Variants in PCDHA7 observed in about 807,000 individuals in gnomAD.
The protein encoded by PCDHA7 is protocadherin alpha 7.
Under a neutral mutation model 57.2 loss-of-function variants are expected in PCDHA7, and 37 were observed. The ratio of observed to expected loss-of-function variants is 0.65; its 90% confidence interval spans 0.50 to 0.85. The LOEUF is 0.85. Among genes scored for constraint, PCDHA7 ranks in the 40% least tolerant of loss-of-function variants. PCDHA7 has a pLI of 0.00. For missense variants in PCDHA7, 1,188 were observed against 1,241.8 expected, an observed-to-expected ratio of 0.96 and a Z score of 0.65; for synonymous variants, 553 against 558.8, an observed-to-expected ratio of 0.99 and a Z score of 0.15.
rs2150265986 is a variant in PCDHA7 at position 140,836,621 on chromosome 5, G to A, written c.2238G>A (p.Gly746=). The A allele has an allele frequency of 1.9e-5, 31 of 1,613,494 alleles. No homozygotes were observed. The highest frequency in any genetic ancestry group is 2.5e-5 in the Non-Finnish European group (29 of 1,179,748). The change falls in exon 1 of 4, where the codon GGG becomes GGA. Residue 746 remains glycine, a synonymous_variant. Transcript: ENST00000525929. ...KPTLVCSSAV[G]SWSFSQQRRQ... Reference sequence around the variant, plus strand: ...CTCTGGTGTGCTCCAGCGCGGTGGGGAGCTGGTCATTCTCCCAGCAGAGGC... The same window carrying A: ...CTCTGGTGTGCTCCAGCGCGGTGGGAAGCTGGTCATTCTCCCAGCAGAGGC...
intron 1 of PCDHA7, chr5:140,850,491 C>T (rs2150486292): frequency 1.3e-6 from 2 of 1,597,970 alleles, no homozygotes; most frequent in South Asian, 1.1e-5. Flanking sequence ...GGCCACTGTG[C>T]TGGTGTCGCT....
At chr5:140,848,272 A>G (rs1781411932) in intron 1 of PCDHA7, 2 of 538,068 alleles carry the variant, frequency 3.7e-6, no homozygotes, top group Non-Finnish European at 6.6e-6. Context: ...TATTCATGAA[A>G]TATGTACTTA....
chr5:140,940,305 A>G (rs2092590184), intron 1 of PCDHA7, among the ~76,000 whole-genome samples: 1 of 152,126 alleles, frequency 6.6e-6, no homozygotes, highest in Non-Finnish European at 1.5e-5. Flanking sequence ...GTAATTTATT[A>G]TCTTTCTTCC....
rs2150498276 is a variant in PCDHA7, at chr5:140,850,785, A to C, written c.2355+14047A>C. The C allele has an allele frequency of 0.62, 994,993 of 1,596,634 alleles. 342,814 individuals carry two copies. Among genetic ancestry groups the C allele is most frequent in the African/African-American group, 0.72 (53,321 of 73,960 alleles). Reference sequence around the variant, plus strand: ...GCAGAGGGTGTGCTCTGGCGAGGGTAAGCAGAAGACCGACCTCATGGCCTT... The same window carrying C: ...GCAGAGGGTGTGCTCTGGCGAGGGTCAGCAGAAGACCGACCTCATGGCCTT... On this transcript the variant is annotated intron_variant, in intron 1 of 3. Coordinates refer to ENST00000525929, the MANE Select transcript of PCDHA7 (RefSeq NM_018910.3).
intron 1 of PCDHA7, chr5:140,858,461 C>G: frequency 1.3e-6 from 2 of 1,524,640 alleles, no homozygotes; most frequent in Non-Finnish European, 1.8e-6. Flanking sequence ...TTTCATTTTC[C>G]TTTTGTGCTT....
intron 1 of PCDHA7, among the ~76,000 whole-genome samples, chr5:140,912,600 T>C (rs2075993093): frequency 6.6e-6 from 1 of 152,156 alleles, no homozygotes; most frequent in African/African-American, 2.4e-5. Context: ...CTTTATTTCT[T>C]CCTCTTGTCT....
chr5:140,852,838 C>T lies in PCDHA7; in HGVS notation c.2355+16100C>T, dbSNP rs2042489635. 6 of 968,840 alleles carry T rather than the reference C, an allele frequency of 6.2e-6. 1 individual carries two copies. The Admixed American group carries it at 2.5e-4, about 41-fold the overall frequency. The allele number at this position is 968,840 out of a possible 1,614,324, so 60.0% of individuals were successfully genotyped here. A position where few individuals can be genotyped will look rare whatever the true frequency, so the allele number is the denominator to read the frequency against. Reference sequence around the variant, plus strand: ...CCTAAGTCCTCCAGTCTCCTTAGAGCTAGTACTTACTAAGCATTTACTATG... The same window carrying T: ...CCTAAGTCCTCCAGTCTCCTTAGAGTTAGTACTTACTAAGCATTTACTATG... On this transcript the variant is annotated intron_variant, in intron 1 of 3. Coordinates refer to ENST00000525929, the MANE Select transcript of PCDHA7 (RefSeq NM_018910.3).
chr5:140,890,945 G>A (rs2062873584), intron 1 of PCDHA7, among the ~76,000 whole-genome samples: 1 of 152,132 alleles, frequency 6.6e-6, no homozygotes, highest in Non-Finnish European at 1.5e-5. Flanking sequence ...AGATGCTGGT[G>A]AGGAATGATT....
chr5:140,849,581 C>T lies in PCDHA7; in HGVS notation c.2355+12843C>T. The T allele has an allele frequency of 3.1e-6, 5 of 1,598,698 alleles. 1 individual carries two copies. Among genetic ancestry groups the T allele is most frequent in the Non-Finnish European group, 4.3e-6 (5 of 1,167,986 alleles). On this transcript the variant is annotated intron_variant, in intron 1 of 3. Transcript: ENST00000525929. ...CGCTCTCGGTTCCTGTAAAAGAGGA[C>T]GCACAACTGGGGACAGTTATTGCCC...
At chr5:140,997,978 C>T (rs1205743045) in intron 3 of PCDHA7, among the ~76,000 whole-genome samples, 2 of 152,182 alleles carry the variant, frequency 1.3e-5, no homozygotes, top group African/African-American at 2.4e-5. Context: ...TTGGACTGCA[C>T]TTGTTACATA....
intron 1 of PCDHA7, among the ~76,000 whole-genome samples, chr5:140,941,343 G>C (rs2093045496): frequency 8.8e-6 from 1 of 114,104 alleles, no homozygotes. Context: ...TTCAGATGGA[G>C]TCTTGCTCTG....
At chr5:140,950,343 A>C (rs1169343189) in intron 1 of PCDHA7, among the ~76,000 whole-genome samples, 9 of 151,988 alleles carry the variant, frequency 5.9e-5, no homozygotes, top group African/African-American at 2.2e-4. Context: ...GATTTATCTT[A>C]GTTTTCCTTT....
chr5:140,843,412 C>A, intron 1 of PCDHA7: 3 of 1,596,066 alleles, frequency 1.9e-6, no homozygotes, highest in Non-Finnish European at 2.6e-6. Flanking sequence ...TGGATGTCAA[C>A]GTGTACCTGA....
intron 1 of PCDHA7, among the ~76,000 whole-genome samples, chr5:140,898,104 A>G (rs1220718510): frequency 2.0e-5 from 3 of 152,110 alleles, no homozygotes; most frequent in Middle Eastern, 3.4e-3. Flanking sequence ...TTGTCAGATG[A>G]GTAGGTTGCG....
intron 1 of PCDHA7, among the ~76,000 whole-genome samples, chr5:140,962,568 A>G (rs915587591): frequency 6.6e-6 from 1 of 152,222 alleles, no homozygotes; most frequent in Non-Finnish European, 1.5e-5. Context: ...CTAAAAGCCA[A>G]TTGTTAATGC....
intron 1 of PCDHA7, among the ~76,000 whole-genome samples, chr5:140,953,230 A>G (rs782703084): frequency 2.0e-5 from 3 of 152,180 alleles, no homozygotes; most frequent in Non-Finnish European, 4.4e-5. Context: ...TCTGCTTGGT[A>G]GCAGTTCAAA....
intron 1 of PCDHA7, among the ~76,000 whole-genome samples, chr5:140,925,728 TAAATATTTACAGAAAGA>T (rs1554202900): frequency 6.6e-6 from 1 of 151,870 alleles, no homozygotes; most frequent in African/African-American, 2.4e-5. Context: ...TGGTGTTTTC[TAAATATTTACAGAAAGA>T]AAATTTACAG....
At chr5:140,862,753 A>C (rs2047525211) in intron 1 of PCDHA7, 1 of 577,638 alleles carries the variant, frequency 1.7e-6, no homozygotes, top group Non-Finnish European at 3.3e-6. Context: ...GCACGCGGAG[A>C]GCGGCAAGAG....
At chr5:140,966,350 A>C in intron 1 of PCDHA7, 1 of 397,418 alleles carries the variant, frequency 2.5e-6, no homozygotes, top group Non-Finnish European at 4.4e-6. Flanking sequence ...GGTGAAGGAG[A>C]TGGGGCTGGA....
Sources: gnomAD v4.1 joint callset for allele counts (sites outside exome capture counted in the v4.1 genomes callset) on GRCh38, gnomAD v4.1.1 for gene constraint, MANE v1.5 for transcripts, NCBI Gene and HGNC (gene_info 2026-07-23, HGNC 2026-07-21) for gene names.